Variants in ELMOD3 observed in about 807,000 individuals in gnomAD.
ELMOD3 encodes the protein ELMO domain containing 3.
A neutral mutation model predicts 47.4 loss-of-function variants in ELMOD3; 36 were observed. The observed-to-expected ratio is 0.76, with a 90% CI of 0.58 to 1.00. The LOEUF (loss-of-function observed/expected upper bound fraction) is 1.00, where lower values mean the gene tolerates loss of function less well. ELMOD3 is among the 50% of genes least tolerant of loss of function. The pLI, the probability that ELMOD3 is intolerant of heterozygous loss-of-function variation, is 0.00. For synonymous variants in ELMOD3, 149 were observed against 183.5 expected, an observed-to-expected ratio of 0.81 and a Z score of 1.52; for missense variants, 404 against 463.8, an observed-to-expected ratio of 0.87 and a Z score of 1.18.
chr2:85,390,115 G>T (rs535702572), intron 12 of ELMOD3, 23 bp from the exon 13 acceptor site: 1 of 1,606,754 alleles, frequency 6.2e-7, no homozygotes, highest in African/African-American at 1.3e-5. Context: ...CGCTGAGCAG[G>T]TCACCTTGCC....
In ELMOD3 at chr2:85,390,627, T is replaced by TGA. The variant is rs574963239; in HGVS notation, c.944-131_944-130dup. 88 of 1,500,366 alleles carry TGA rather than the reference T, an allele frequency of 5.9e-5. No individual in the cohort carries two copies. The Middle Eastern group carries it at 8.2e-4, about 14-fold the overall frequency. 92.9% of individuals were successfully genotyped at this position (1,500,366 alleles called of 1,614,324 possible). A position where few individuals can be genotyped will look rare whatever the true frequency, so the allele number is the denominator to read the frequency against. ...CTACCTCTCTGGTGATCTCTCCATC[T>TGA]GAGGCTCCTTCACTTTCTCTCCATG... On this transcript the variant is annotated intron_variant, in intron 13 of 13. Transcript: ENST00000409013.
At chr2:85,368,007 G>A (rs1272798532) in intron 6 of ELMOD3, among the ~76,000 whole-genome samples, 2 of 151,942 alleles carry the variant, frequency 1.3e-5, no homozygotes, top group Non-Finnish European at 2.9e-5. Flanking sequence ...CGCCTCCCGC[G>A]TTCACGCATT....
At chr2:85,368,264 G>T (rs1684539665) in intron 6 of ELMOD3, 1 of 177,834 alleles carries the variant, frequency 5.6e-6, no homozygotes, top group Admixed American at 5.5e-5. Context: ...GGATCAGAGG[G>T]TGTTAAGATC....
chr2:85,376,137 G>A lies in ELMOD3; in HGVS notation c.608-1207G>A, dbSNP rs758051675. The stretch of plus-strand genomic sequence containing the variant: ...GCGGGGGGATTATTTTGCCTACCAC[G>A]GCTGCTTTAAATTCCTTGTCAAATA... On this transcript the variant is annotated intron_variant, in intron 10 of 13. Coordinates refer to ENST00000409013, the MANE Select transcript of ELMOD3 (RefSeq NM_001135022.2). The surrounding 1 kb of genome is among the most constrained non-coding windows in gnomAD (Gnocchi z 4.2). Among the ~76,000 whole-genome samples, 2 of 152,118 alleles carry A rather than the reference G, an allele frequency of 1.3e-5. No individual in the cohort carries two copies. The highest frequency in any genetic ancestry group is 2.1e-4 in the South Asian group (1 of 4,830).
In ELMOD3 at chr2:85,376,041, C is replaced by T. The variant is rs1685147906; in HGVS notation, c.608-1303C>T. On this transcript the variant is annotated intron_variant, in intron 10 of 13. Coordinates refer to ENST00000409013, the MANE Select transcript of ELMOD3 (RefSeq NM_001135022.2). This position sits in a 1 kb window ranked among gnomAD's most constrained non-coding sequence, Gnocchi z 4.2. ...CTGCTGATCAGCAACCTTAATTCTACCTGCAGTCTTAATCCCCTTTGCCAT... is the reference window on the plus strand; with the variant it reads ...CTGCTGATCAGCAACCTTAATTCTATCTGCAGTCTTAATCCCCTTTGCCAT... Among the ~76,000 whole-genome samples, 1 of 152,170 alleles carries T rather than the reference C, an allele frequency of 6.6e-6. No homozygotes were observed. The highest frequency in any genetic ancestry group is 1.5e-5 in the Non-Finnish European group (1 of 68,034).
intron 10 of ELMOD3, 144 bp from the exon 11 acceptor site, chr2:85,377,200 C>A: frequency 1.4e-6 from 1 of 703,002 alleles, no homozygotes; most frequent in Non-Finnish European, 2.1e-6. Context: ...TTAGAATGAG[C>A]CCCACAAGTG....
intron 11 of ELMOD3, among the ~76,000 whole-genome samples, chr2:85,384,699 C>A (rs886765011): frequency 1.3e-5 from 2 of 152,200 alleles, no homozygotes; most frequent in African/African-American, 4.8e-5. Context: ...AATCCTCCCA[C>A]CTCAGCCTCG....
In ELMOD3 at chr2:85,357,179, T is replaced by G; in HGVS notation, c.-20T>G. On this transcript the variant is annotated 5_prime_UTR_variant, in exon 4 of 14. An upstream start codon of the reference 5' UTR is lost. Transcript: ENST00000409013. ...TCTGGGCCCAAGGACAAAGCTCACA[T>G]GAACAAATGATTTTGAGTCATGAAT... The G allele has an allele frequency of 6.3e-7, 1 of 1,595,098 alleles. No homozygotes were observed. The highest frequency in any genetic ancestry group is 2.2e-5 in the East Asian group (1 of 44,466).
intron 10 of ELMOD3, among the ~76,000 whole-genome samples, chr2:85,373,377 A>G (rs1274154479): frequency 6.6e-6 from 1 of 152,182 alleles, no homozygotes; most frequent in Non-Finnish European, 1.5e-5. Context: ...TCTTAAATGT[A>G]TCCTCTCTAT....
intron 9 of ELMOD3, 112 bp from the exon 10 acceptor site, chr2:85,371,328 G>C: frequency 6.3e-7 from 1 of 1,599,758 alleles, no homozygotes; most frequent in Non-Finnish European, 8.5e-7. Flanking sequence ...GCGGGTGAGA[G>C]TGGGAGCTGA....
At chr2:85,375,817 G>A (rs1469892220) in intron 10 of ELMOD3, among the ~76,000 whole-genome samples, 5 of 152,232 alleles carry the variant, frequency 3.3e-5, no homozygotes, top group African/African-American at 1.2e-4. Context: ...GGCTCTGGAA[G>A]AGAGTCCATT....
chr2:85,369,918 C>T, intron 8 of ELMOD3, 88 bp downstream of exon 8: 1 of 1,492,072 alleles, frequency 6.7e-7, no homozygotes, highest in Non-Finnish European at 9.1e-7. Flanking sequence ...GGGCATTGGG[C>T]AAGCAAATCT....
In ELMOD3 at chr2:85,390,993, AGCTGCAGGG is replaced by A. The variant is rs1282937030; in HGVS notation, c.*35_*43del. On this transcript the variant is annotated 3_prime_UTR_variant, in exon 14 of 14. Transcript: ENST00000409013. ...GAGATGAATGGAGGCTTAAAGGCTG[AGCTGCAGGG>A]GCTTTCAGGGGGTCAGTGGAGCCAT... is the stretch of plus-strand genomic sequence containing the variant. The A allele has an allele frequency of 1.8e-5, 27 of 1,540,036 alleles. No individual in the cohort carries two copies. The highest frequency in any genetic ancestry group is 2.8e-5 in the African/African-American group (2 of 72,510).
At chr2:85,365,328 C>T (rs891817315) in intron 6 of ELMOD3, among the ~76,000 whole-genome samples, 3 of 149,790 alleles carry the variant, frequency 2.0e-5, no homozygotes, top group Non-Finnish European at 4.4e-5. Flanking sequence ...CCAGCCTGGG[C>T]GACAGAGCGA....
chr2:85,371,851 TGATGA>T (rs1684815478), intron 10 of ELMOD3: 1 of 304,700 alleles, frequency 3.3e-6, no homozygotes, highest in Non-Finnish European at 6.3e-6. Context: ...CTGGCCAACA[TGATGA>T]AATCCCATCT....
At chr2:85,371,596 T>C in intron 10 of ELMOD3, 34 bp downstream of exon 10, 2 of 1,612,966 alleles carry the variant, frequency 1.2e-6, no homozygotes, top group South Asian at 2.2e-5. Flanking sequence ...TTCTTTTTCA[T>C]GCCTCTGATT....
intron 9 of ELMOD3, 78 bp from the exon 10 acceptor site, chr2:85,371,362 A>T (rs1307488923): frequency 5.0e-6 from 8 of 1,600,456 alleles, no homozygotes; most frequent in Non-Finnish European, 6.0e-6. Flanking sequence ...CACAGTCCAG[A>T]TCTCACATTC....
chr2:85,384,166 GT>G (rs1184560156), intron 11 of ELMOD3, among the ~76,000 whole-genome samples: 1 of 152,248 alleles, frequency 6.6e-6, no homozygotes, highest in Non-Finnish European at 1.5e-5. Context: ...GAGCAGAGGG[GT>G]AACTTTGAAT....
At chr2:85,365,852 T>C (rs957650362) in intron 6 of ELMOD3, among the ~76,000 whole-genome samples, 10 of 152,172 alleles carry the variant, frequency 6.6e-5, no homozygotes, top group African/African-American at 2.2e-4. Flanking sequence ...GATGAGGCTC[T>C]GACAGGTGAA....
Sources: allele counts gnomAD v4.1 joint callset (sites outside exome capture counted in the v4.1 genomes callset), GRCh38; gene constraint gnomAD v4.1.1; non-coding constraint Gnocchi (gnomAD v3.1); transcripts MANE v1.5; gene names NCBI Gene and HGNC (gene_info 2026-07-23, HGNC 2026-07-21).